The following IQCK variants were observed in gnomAD, a reference collection of about 807,000 sequenced individuals.
IQCK encodes IQ domain-containing protein K.
IQCK carries 29 observed loss-of-function variants against 28.1 expected under a neutral mutation model. The observed-to-expected ratio is 1.03, with a 90% CI of 0.77 to 1.41. IQCK has a LOEUF of 1.41. Among genes scored for constraint, IQCK ranks in the 40% most tolerant of loss-of-function variants. IQCK has a pLI of 0.00. For missense variants in IQCK, 359 were observed against 314.7 expected (o/e 1.14, Z -1.07); for synonymous variants, 113 against 115.1 (o/e 0.98, Z 0.12).
chr16:19,830,438 C>T (rs2056216078), downstream of IQCK, among the ~76,000 whole-genome samples: 1 of 152,188 alleles, frequency 6.6e-6, no homozygotes, highest in Admixed American at 6.5e-5. Context: ...AGTTCCATTT[C>T]CACCATCTGC....
At chr16:19,738,530 C>T (rs1332669740) in intron 4 of IQCK, among the ~76,000 whole-genome samples, 1 of 152,166 alleles carries the variant, frequency 6.6e-6, no homozygotes, top group Non-Finnish European at 1.5e-5. Context: ...ACCTCCATCC[C>T]AGCTGGCAGC....
At chr16:19,725,571 A>G (rs980230027) in intron 1 of IQCK, among the ~76,000 whole-genome samples, 2 of 152,178 alleles carry the variant, frequency 1.3e-5, no homozygotes, top group Non-Finnish European at 2.9e-5. Flanking sequence ...CACTGAAGCA[A>G]CTCTTGGAAA....
At chr16:19,805,888 G>A (rs965515919) in intron 7 of IQCK, among the ~76,000 whole-genome samples, 2 of 152,036 alleles carry the variant, frequency 1.3e-5, no homozygotes, top group African/African-American at 4.8e-5. Flanking sequence ...TAGGGAATGG[G>A]TGCTGCTGAT....
intron 7 of IQCK, among the ~76,000 whole-genome samples, chr16:19,822,257 G>C (rs1305642570): frequency 6.6e-6 from 1 of 151,056 alleles, no homozygotes; most frequent in Non-Finnish European, 1.5e-5. Context: ...GTGGTGGCAG[G>C]TGCCTGTAAT....
intron 1 of IQCK, among the ~76,000 whole-genome samples, chr16:19,725,234 G>C (rs955965606): frequency 6.6e-6 from 1 of 152,184 alleles, no homozygotes; most frequent in Admixed American, 6.5e-5. Flanking sequence ...GAGACAGGCT[G>C]TCGCCCAGGC....
intron 9 of IQCK, among the ~76,000 whole-genome samples, chr16:19,846,783 A>G (rs1171513870): frequency 6.6e-6 from 1 of 151,970 alleles, no homozygotes; most frequent in Non-Finnish European, 1.5e-5. Flanking sequence ...ATCTTCCACA[A>G]TTTGTTCTTC....
intron 4 of IQCK, among the ~76,000 whole-genome samples, chr16:19,755,498 G>T (rs1385922627): frequency 1.3e-5 from 2 of 152,184 alleles, no homozygotes; most frequent in Admixed American, 6.5e-5. Context: ...AACCTTAAAG[G>T]CAGAGAAAGG....
chr16:19,805,283 A>G (rs932784104), intron 7 of IQCK, among the ~76,000 whole-genome samples: 1 of 152,176 alleles, frequency 6.6e-6, no homozygotes. Flanking sequence ...TTCCTGGTAA[A>G]TAGTATGCTG....
At chr16:19,835,000 C>CA (rs1478488932) in intron 9 of IQCK, among the ~76,000 whole-genome samples, 1 of 152,194 alleles carries the variant, frequency 6.6e-6, no homozygotes, top group African/African-American at 2.4e-5. Context: ...TGCGGTGGCT[C>CA]ATGCCTATAG....
At chr16:19,727,740 T>C (rs184523326) in intron 1 of IQCK, among the ~76,000 whole-genome samples, 21 of 152,302 alleles carry the variant, frequency 1.4e-4, no homozygotes, top group African/African-American at 4.6e-4. Flanking sequence ...CTTGCTTTTG[T>C]AATCAGACAG....
At chr16:19,822,213 C>G (rs1488645855) in intron 7 of IQCK, among the ~76,000 whole-genome samples, 1 of 151,050 alleles carries the variant, frequency 6.6e-6, no homozygotes, top group Non-Finnish European at 1.5e-5. Context: ...TGGTGAAACC[C>G]CATCTCTACT....
intron 3 of IQCK, chr16:19,734,085 A>G: frequency 2.8e-6 from 1 of 356,640 alleles, no homozygotes; most frequent in South Asian, 3.7e-5. Flanking sequence ...AGAACAGTAA[A>G]CACATGTAGC....
intron 4 of IQCK, among the ~76,000 whole-genome samples, chr16:19,743,288 A>G (rs966581350): frequency 6.6e-6 from 1 of 152,192 alleles, no homozygotes; most frequent in Non-Finnish European, 1.5e-5. Context: ...TACACACAGG[A>G]GGTAATTTAT....
chr16:19,812,061 C>T (rs1452281777), intron 7 of IQCK, among the ~76,000 whole-genome samples: 1 of 150,376 alleles, frequency 6.6e-6, no homozygotes, highest in East Asian at 2.0e-4. Flanking sequence ...AAACTCGGCT[C>T]ACTGCAGTCT....
intron 9 of IQCK, among the ~76,000 whole-genome samples, chr16:19,849,955 G>C (rs571693407): frequency 2.0e-5 from 3 of 152,166 alleles, no homozygotes; most frequent in African/African-American, 7.2e-5. Flanking sequence ...TTTCAAATTT[G>C]CATAATGGAA....
Position 19,721,102 on chromosome 16 carries a change from A to C in IQCK, c.181+2615A>C, listed in dbSNP as rs141387394. 5.3e-5 allele frequency among the ~76,000 whole-genome samples: 8 copies of C among 152,298 alleles called. No homozygotes were observed. In the East Asian group the frequency reaches 1.5e-3, roughly 29 times the overall value. ...AGTATTATAACAGATGGATAAACCC[A>C]ATTCTTAAACATCTAACAAATGCAG... is the stretch of plus-strand genomic sequence containing the variant. On this transcript the variant is annotated intron_variant, in intron 1 of 7. Transcript: ENST00000564186.
At chr16:19,760,579 A>T (rs1470044005) in intron 4 of IQCK, among the ~76,000 whole-genome samples, 2 of 151,900 alleles carry the variant, frequency 1.3e-5, no homozygotes, top group East Asian at 3.9e-4. Context: ...TCAACATATG[A>T]CTCTTGGGGT....
intron 6 of IQCK, among the ~76,000 whole-genome samples, chr16:19,786,839 T>G (rs940150225): frequency 5.9e-3 from 180 of 30,560 alleles, no homozygotes; most frequent in Middle Eastern, 0.021. Flanking sequence ...GGAGGGGGGA[T>G]GGAGGGAAGG....
chr16:19,768,987 T>C (rs894118110), intron 6 of IQCK, among the ~76,000 whole-genome samples: 5 of 152,156 alleles, frequency 3.3e-5, no homozygotes, highest in Admixed American at 3.3e-4. Context: ...GGTGCAGTCA[T>C]CTGAGGGCCC....
Sources: gnomAD v4.1 joint callset for allele counts (sites outside exome capture counted in the v4.1 genomes callset) on GRCh38, gnomAD v4.1.1 for gene constraint, MANE v1.5 for transcripts, NCBI Gene and HGNC (gene_info 2026-07-23, HGNC 2026-07-21) for gene names.